Variants in CPNE8 observed in about 807,000 individuals in gnomAD.
CPNE8 encodes copine-8.
CPNE8 carries 45 observed loss-of-function variants against 81.5 expected under a neutral mutation model. That is an observed-to-expected ratio of 0.55 (90% CI 0.44 to 0.71). The LOEUF is 0.71. Among genes scored for constraint, CPNE8 ranks in the 30% least tolerant of loss-of-function variants. The probability of loss-of-function intolerance (pLI) is 0.00; values close to 1 mark genes in which losing one functional copy is unlikely to be tolerated. For missense variants in CPNE8, 594 were observed against 672.1 expected (o/e 0.88, Z 1.28); for synonymous variants, 252 against 226.3 (o/e 1.11, Z -1.02).
chr12:38,732,591 A>C (rs972202090), intron 10 of CPNE8, among the ~76,000 whole-genome samples: 2 of 151,918 alleles, frequency 1.3e-5, no homozygotes, highest in Non-Finnish European at 2.9e-5. Context: ...CCTTTTTATC[A>C]TGAAAGGGAG....
chr12:38,677,045 A>G (rs749569906), intron 17 of CPNE8, among the ~76,000 whole-genome samples: 28 of 152,306 alleles, frequency 1.8e-4, no homozygotes, highest in Non-Finnish European at 3.7e-4. Flanking sequence ...TGGTTTTTTA[A>G]TCAATCAGTC....
chr12:38,733,668 T>C (rs1234262447), intron 10 of CPNE8, among the ~76,000 whole-genome samples: 1 of 151,962 alleles, frequency 6.6e-6, no homozygotes, highest in East Asian at 1.9e-4. Context: ...TACGTCTCTA[T>C]TTTTCCCCTA....
chr12:38,884,810 A>T (rs1944215572), intron 1 of CPNE8, among the ~76,000 whole-genome samples: 1 of 152,178 alleles, frequency 6.6e-6, no homozygotes, highest in Non-Finnish European at 1.5e-5. Flanking sequence ...TTGTAATTAC[A>T]AAACGCTCTC....
chr12:38,814,213 AGAG>A (rs1942984304), intron 6 of CPNE8, among the ~76,000 whole-genome samples: 1 of 151,948 alleles, frequency 6.6e-6, no homozygotes, highest in African/African-American at 2.4e-5. Context: ...GCTTAGGAGA[AGAG>A]GAGAAACATG....
At chr12:38,780,727 T>C (rs1565611548) in intron 6 of CPNE8, among the ~76,000 whole-genome samples, 1 of 152,004 alleles carries the variant, frequency 6.6e-6, no homozygotes, top group Non-Finnish European at 1.5e-5. Context: ...AAGAAAATAA[T>C]TATAAATATA....
chr12:38,715,434 C>G (rs760929625), intron 13 of CPNE8, among the ~76,000 whole-genome samples: 7 of 151,800 alleles, frequency 4.6e-5, no homozygotes, highest in East Asian at 1.9e-4. Context: ...GAGCATAACC[C>G]GACAGTGGAA....
chr12:38,799,262 C>T (rs1279182896), intron 6 of CPNE8, among the ~76,000 whole-genome samples: 3 of 152,000 alleles, frequency 2.0e-5, no homozygotes, highest in African/African-American at 4.8e-5. Context: ...TTCAGCACAC[C>T]ACACCTATTC....
At chr12:38,833,127 C>T (rs1020715345) in intron 5 of CPNE8, among the ~76,000 whole-genome samples, 28 of 151,810 alleles carry the variant, frequency 1.8e-4, no homozygotes, top group African/African-American at 6.3e-4. Flanking sequence ...CCGAGGCGGG[C>T]GGATCACTTG....
chr12:38,879,627 G>T lies in CPNE8; in HGVS notation c.99-5116C>A, dbSNP rs140530470. ...GCAGGCATGCTACTCACTCTTTCCT[G>T]CTCAGCAGATAAAATCACCTAATAA... On this transcript the variant is annotated intron_variant, in intron 1 of 19. Transcript: ENST00000331366. 6.1e-4 allele frequency among the ~76,000 whole-genome samples: 93 copies of T among 152,112 alleles called. 1 individual carries two copies. In the East Asian group the frequency reaches 0.013, roughly 21 times the overall value.
chr12:38,897,025 A>G (rs756932780), intron 1 of CPNE8, among the ~76,000 whole-genome samples: 4 of 152,118 alleles, frequency 2.6e-5, no homozygotes, highest in African/African-American at 4.8e-5. Flanking sequence ...GTTTTTAAAT[A>G]ATTTCTATGT....
intron 1 of CPNE8, among the ~76,000 whole-genome samples, chr12:38,901,657 A>G (rs1210853088): frequency 6.6e-6 from 1 of 152,222 alleles, no homozygotes; most frequent in African/African-American, 2.4e-5. Context: ...GTCAAATAGC[A>G]GGAGCTTGCC....
intron 1 of CPNE8, among the ~76,000 whole-genome samples, chr12:38,902,417 A>AAGAAAGAAAGAAAGAG (rs1166996215): frequency 0.012 from 844 of 72,818 alleles, 94 homozygotes; most frequent in East Asian, 0.042. Flanking sequence ...GAAAGAAAGA[A>AAGAAAGAAAGAAAGAG]AAAGAAAGAA....
At chr12:38,902,185 AAGAAAAGAGAAAG>A (rs1268534994) in intron 1 of CPNE8, among the ~76,000 whole-genome samples, 1 of 150,292 alleles carries the variant, frequency 6.7e-6, no homozygotes, top group East Asian at 1.9e-4. Flanking sequence ...AAAGAGAAAA[AAGAAAAGAGAAAG>A]AGAAAAGAAA....
At chr12:38,796,009 C>T (rs945979044) in intron 6 of CPNE8, among the ~76,000 whole-genome samples, 2 of 151,996 alleles carry the variant, frequency 1.3e-5, no homozygotes, top group South Asian at 2.1e-4. Context: ...GCCTGTAATC[C>T]CAGCACTTTG....
chr12:38,663,534 G>GAACT (rs1387526128), intron 19 of CPNE8, among the ~76,000 whole-genome samples: 1 of 152,020 alleles, frequency 6.6e-6, no homozygotes, highest in African/African-American at 2.4e-5. Flanking sequence ...AGAGAAAAGG[G>GAACT]AACTCATACA....
At chr12:38,799,924 C>A (rs1459594275) in intron 6 of CPNE8, among the ~76,000 whole-genome samples, 1 of 151,662 alleles carries the variant, frequency 6.6e-6, no homozygotes, top group African/African-American at 2.4e-5. Flanking sequence ...GGGTCACTCC[C>A]ACCCGAATAT....
intron 3 of CPNE8, 135 bp downstream of exon 3, chr12:38,872,869 T>G: frequency 1.6e-6 from 1 of 624,602 alleles, no homozygotes; most frequent in Non-Finnish European, 2.8e-6. Flanking sequence ...AAAGGTAACT[T>G]TCCTAAGATA....
chr12:38,876,191 T>C (rs1319403832), intron 1 of CPNE8, among the ~76,000 whole-genome samples: 1 of 152,162 alleles, frequency 6.6e-6, no homozygotes, highest in African/African-American at 2.4e-5. Context: ...AAATAAAGGA[T>C]TTCTATAAAC....
chr12:38,840,702 G>C (rs1943455352), intron 4 of CPNE8, among the ~76,000 whole-genome samples: 1 of 152,074 alleles, frequency 6.6e-6, no homozygotes, highest in Admixed American at 6.6e-5. Flanking sequence ...AGAACTTAAA[G>C]AAAACATACA....
Sources: allele counts gnomAD v4.1 joint callset (sites outside exome capture counted in the v4.1 genomes callset), GRCh38; gene constraint gnomAD v4.1.1; transcripts MANE v1.5; gene names NCBI Gene and HGNC (gene_info 2026-07-23, HGNC 2026-07-21).